The following ABR variants were observed in gnomAD, a reference collection of about 807,000 sequenced individuals.
The protein encoded by ABR is active breakpoint cluster region-related protein.
A neutral mutation model predicts 107.2 loss-of-function variants in ABR; 35 were observed. The ratio of observed to expected loss-of-function variants is 0.33; its 90% CI spans 0.25 to 0.43. The LOEUF is 0.43. Among genes scored for constraint, ABR ranks in the 20% least tolerant of loss-of-function variants. The pLI is 1.00. For synonymous variants in ABR, 498 were observed against 462.0 expected (o/e 1.08, Z -1.00); for missense variants, 815 against 1,115.2 (o/e 0.73, Z 3.83).
intron 1 of ABR, among the ~76,000 whole-genome samples, chr17:1,159,576 GAAGTAAGAATGCGGTACTCACACACAT>G (rs1324975197): frequency 0.017 from 1,132 of 68,448 alleles, 38 homozygotes; most frequent in African/African-American, 0.025. Flanking sequence ...ACACACGGGA[GAAGTAAGAATGCGGTACTCACACACAT>G]GAGAAGTAAG....
chr17:1,181,532 C>T (rs537079132), upstream of ABR, among the ~76,000 whole-genome samples: 1 of 152,222 alleles, frequency 6.6e-6, no homozygotes, highest in Admixed American at 6.5e-5. Flanking sequence ...ACCCTCCCAC[C>T]GTCCCTGACT....
chr17:1,160,843 G>A (rs1447745008), intron 1 of ABR, among the ~76,000 whole-genome samples: 1 of 152,224 alleles, frequency 6.6e-6, no homozygotes, highest in African/African-American at 2.4e-5. Context: ...TTTTCACAGA[G>A]GCCACGCTCC....
rs141405949 is a variant in ABR, at chr17:1,094,008, T to C, written c.346-2158A>G. On this transcript the variant is annotated intron_variant, in intron 3 of 22. Coordinates refer to ENST00000302538, the MANE Select transcript of ABR (RefSeq NM_021962.5). ...CTCAGTGTCCAGTCAGGACTCTCCTTCTGACCCTCGCTGTGCTAGAATCAA... is the reference window on the plus strand; with the variant it reads ...CTCAGTGTCCAGTCAGGACTCTCCTCCTGACCCTCGCTGTGCTAGAATCAA... 1.2e-4 allele frequency among the ~76,000 whole-genome samples: 18 copies of C among 151,994 alleles called. 1 individual carries two copies. In the East Asian group the frequency reaches 3.5e-3, roughly 29 times the overall value.
chr17:1,050,428 G>A lies in ABR; in HGVS notation c.1659+109C>T, dbSNP rs111310949. On this transcript the variant is annotated intron_variant, in intron 15 of 22. Transcript: ENST00000302538. The surrounding 1 kb of genome is among the most constrained non-coding windows in gnomAD (Gnocchi z 4.6). ...AGCCAGAGGAGCAGGGAGCAGAAAGGGGGGTGCAGACATAGCTGGTCCAAC... is the reference window on the plus strand; with the variant it reads ...AGCCAGAGGAGCAGGGAGCAGAAAGAGGGGTGCAGACATAGCTGGTCCAAC... The A allele has an allele frequency of 2.2e-4, 243 of 1,105,482 alleles. 1 individual carries two copies. The African/African-American group carries it at 2.7e-3, about 12-fold the overall frequency. 68.5% of individuals were successfully genotyped at this position (1,105,482 alleles called of 1,614,324 possible).
At chr17:1,121,067 G>A (rs146530878) in intron 2 of ABR, among the ~76,000 whole-genome samples, 62 of 152,342 alleles carry the variant, frequency 4.1e-4, no homozygotes, top group African/African-American at 1.4e-3. Context: ...GGAGCCACCC[G>A]TGGTCTGTGG....
chr17:1,045,876 T>C (rs1411566480), intron 16 of ABR, among the ~76,000 whole-genome samples: 1 of 152,050 alleles, frequency 6.6e-6, no homozygotes, highest in Admixed American at 6.6e-5. Flanking sequence ...TTTTCTTTTC[T>C]TTTTTTTCCC....
At chr17:1,218,247 TA>T (rs1567900043) in intron 1 of ABR, among the ~76,000 whole-genome samples, 2 of 152,340 alleles carry the variant, frequency 1.3e-5, no homozygotes, top group African/African-American at 4.8e-5. Flanking sequence ...ACAGGTGAAT[TA>T]ACTTGGTTAA....
intron 22 of ABR, 101 bp from the exon 23 acceptor site, chr17:1,006,270 G>A (rs1374838286): frequency 5.6e-6 from 6 of 1,075,044 alleles, no homozygotes; most frequent in East Asian, 2.6e-5. Context: ...GACTGGCTCC[G>A]GCCACCGCCC....
intron 18 of ABR, 29 bp from the exon 19 acceptor site, chr17:1,012,014 GGCAGCCCCCACGACAGCTCTCCCGTA>G: frequency 6.2e-7 from 1 of 1,610,010 alleles, no homozygotes; most frequent in Non-Finnish European, 8.5e-7. Flanking sequence ...ATGGGTGGAG[GGCAGCCCCCACGACAGCTCTCCCGTA>G]GCAACCCCCA....
chr17:1,215,684 A>G (rs1189104644), intron 1 of ABR, among the ~76,000 whole-genome samples: 4 of 152,196 alleles, frequency 2.6e-5, no homozygotes, highest in Admixed American at 2.0e-4. Flanking sequence ...TGTACCCAGC[A>G]GCTCATTGAG....
chr17:1,219,297 G>A (rs2043071545), intron 1 of ABR, among the ~76,000 whole-genome samples: 1 of 151,910 alleles, frequency 6.6e-6, no homozygotes, highest in Non-Finnish European at 1.5e-5. Flanking sequence ...GCCTGCCTTG[G>A]CCTCCCAAAG....
chr17:1,031,923 C>G (rs1344845234), intron 16 of ABR: 1 of 897,428 alleles, frequency 1.1e-6, no homozygotes, highest in African/African-American at 1.9e-5. Context: ...CTCCTCCCTC[C>G]TCCGCATCCC....
rs191472311 is a variant in ABR, at chr17:1,199,169, G to A, written c.838+29624C>T. Among the ~76,000 whole-genome samples, 474 of 150,946 alleles carry A rather than the reference G, an allele frequency of 3.1e-3. 4 individuals carry two copies. Among genetic ancestry groups the A allele is most frequent in the South Asian group, 7.7e-3 (37 of 4,780 alleles). ...AAAACTTTGCTCGGGAGTGGTCAGG[G>A]TCACGAATGCCTGGTTCTGGAAAAC... On this transcript the variant is annotated intron_variant, in intron 1 of 22. Coordinates refer to the ABR transcript ENST00000574139.
At chr17:1,174,543 C>T (rs2041856305) in intron 1 of ABR, among the ~76,000 whole-genome samples, 1 of 152,194 alleles carries the variant, frequency 6.6e-6, no homozygotes, top group African/African-American at 2.4e-5. Flanking sequence ...ACTTTCCTGG[C>T]CCATAGATGG....
At chr17:1,130,058 G>C (rs1280895114) in intron 1 of ABR, among the ~76,000 whole-genome samples, 1 of 152,180 alleles carries the variant, frequency 6.6e-6, no homozygotes, top group Non-Finnish European at 1.5e-5. Context: ...TCATCACTGG[G>C]AACGTTAGAC....
intron 16 of ABR, chr17:1,022,401 T>C (rs12603889): frequency 0.055 from 8,454 of 152,644 alleles, 612 homozygotes; most frequent in African/African-American, 0.16. Context: ...CGGCCTGTCA[T>C]TGGGGCAGAC....
intron 1 of ABR, among the ~76,000 whole-genome samples, chr17:1,227,052 C>G (rs930077321): frequency 6.6e-6 from 1 of 152,142 alleles, no homozygotes; most frequent in African/African-American, 2.4e-5. Context: ...CTAGCCAAAG[C>G]CGTGAGTGCC....
At chr17:1,052,258 G>GT (rs1310917302) in intron 14 of ABR, among the ~76,000 whole-genome samples, 3 of 151,928 alleles carry the variant, frequency 2.0e-5, no homozygotes, top group African/African-American at 7.3e-5. Context: ...AGACCAGGGA[G>GT]TGGGCCTGTG....
intron 16 of ABR, among the ~76,000 whole-genome samples, chr17:1,034,473 C>T (rs117865158): frequency 8.5e-5 from 13 of 152,290 alleles, no homozygotes; most frequent in East Asian, 5.8e-4. Context: ...GGACAAAACC[C>T]GCACAAAATC....
Sources: gnomAD v4.1 joint callset for allele counts (sites outside exome capture counted in the v4.1 genomes callset) on GRCh38, gnomAD v4.1.1 for gene constraint, Gnocchi (gnomAD v3.1) non-coding constraint, MANE v1.5 for transcripts, NCBI Gene and HGNC (gene_info 2026-07-23, HGNC 2026-07-21) for gene names.